Variants in SNTG1 observed in about 807,000 individuals in gnomAD.
The protein encoded by SNTG1 is gamma-1-syntrophin.
Under a neutral mutation model 74.7 loss-of-function variants are expected in SNTG1, and 39 were observed. The ratio of observed to expected loss-of-function variants is 0.52; its 90% confidence interval spans 0.40 to 0.68. The LOEUF (loss-of-function observed/expected upper bound fraction) is 0.68, where lower values mean the gene tolerates loss of function less well. Among genes scored for constraint, SNTG1 ranks in the 30% least tolerant of loss-of-function variants. SNTG1 has a pLI of 0.00. For synonymous variants in SNTG1, 254 were observed against 217.1 expected (o/e 1.17, Z -1.49); for missense variants, 685 against 609.5 (o/e 1.12, Z -1.30).
At chr8:50,146,743 T>C (rs539335208) in intron 1 of SNTG1, among the ~76,000 whole-genome samples, 1 of 152,332 alleles carries the variant, frequency 6.6e-6, no homozygotes, top group East Asian at 1.9e-4. Context: ...TTAGATATTC[T>C]AAAAATTATG....
intron 1 of SNTG1, among the ~76,000 whole-genome samples, chr8:49,923,746 C>A (rs895243775): frequency 6.6e-6 from 1 of 151,958 alleles, no homozygotes; most frequent in African/African-American, 2.4e-5. Flanking sequence ...CTTAGCATAT[C>A]TTTTTGTAAA....
At chr8:50,722,184 A>G (rs1221131408) in intron 17 of SNTG1, among the ~76,000 whole-genome samples, 1 of 151,760 alleles carries the variant, frequency 6.6e-6, no homozygotes, top group Non-Finnish European at 1.5e-5. Flanking sequence ...GTGTGTACAT[A>G]TATATATTGA....
chr8:50,421,872 T>G (rs1055308243), intron 4 of SNTG1, among the ~76,000 whole-genome samples: 1 of 152,162 alleles, frequency 6.6e-6, no homozygotes, highest in Non-Finnish European at 1.5e-5. Flanking sequence ...TACACCATCT[T>G]GAAATTACAG....
chr8:50,021,618 T>A (rs1216225471), intron 1 of SNTG1, among the ~76,000 whole-genome samples: 1 of 152,078 alleles, frequency 6.6e-6, no homozygotes, highest in Non-Finnish European at 1.5e-5. Flanking sequence ...TGATCACAAA[T>A]AACCCTTATC....
intron 2 of SNTG1, among the ~76,000 whole-genome samples, chr8:50,251,519 A>C (rs573821616): frequency 9.6e-4 from 146 of 151,890 alleles, no homozygotes; most frequent in Non-Finnish European, 1.8e-3. Context: ...ACTGAAAGTA[A>C]AAGGATGGAA....
chr8:49,946,372 A>G lies in SNTG1; in HGVS notation c.-103+34141A>G, dbSNP rs556723676. The stretch of plus-strand genomic sequence containing the variant: ...TACATTCTCTCTAATTTAGGCTACA[A>G]TGAGACCGTGAATAAAATCTTGAAA... On this transcript the variant is annotated intron_variant, in intron 1 of 18. Coordinates refer to ENST00000642720, the MANE Select transcript of SNTG1 (RefSeq NM_018967.5). Among the ~76,000 whole-genome samples, 221 of 152,320 alleles carry G rather than the reference A, an allele frequency of 1.5e-3. 3 individuals are homozygous for G. The highest frequency in any genetic ancestry group is 5.1e-3 in the African/African-American group (213 of 41,578).
chr8:50,351,175 T>C (rs954102354), intron 2 of SNTG1, among the ~76,000 whole-genome samples: 1 of 152,194 alleles, frequency 6.6e-6, no homozygotes, highest in Non-Finnish European at 1.5e-5. Context: ...CCTGTGTTGC[T>C]CTTCTGATTT....
At chr8:50,684,328 CTT>C (rs2095343058) in intron 15 of SNTG1, among the ~76,000 whole-genome samples, 1 of 152,152 alleles carries the variant, frequency 6.6e-6, no homozygotes, top group Non-Finnish European at 1.5e-5. Flanking sequence ...GAAGATGAAT[CTT>C]AGAACTATTA....
chr8:49,967,562 T>G (rs1811259221), intron 1 of SNTG1, among the ~76,000 whole-genome samples: 1 of 145,620 alleles, frequency 6.9e-6, no homozygotes, highest in Non-Finnish European at 1.5e-5. Context: ...ATATATAAAC[T>G]TTGTTTTAAT....
At chr8:50,142,897 C>A (rs1461443179) in intron 1 of SNTG1, among the ~76,000 whole-genome samples, 9 of 151,952 alleles carry the variant, frequency 5.9e-5, no homozygotes, top group East Asian at 1.9e-4. Context: ...CATAGTGAAA[C>A]CCCATCTTTA....
At chr8:50,219,143 A>G (rs1430021147) in intron 2 of SNTG1, among the ~76,000 whole-genome samples, 1 of 152,232 alleles carries the variant, frequency 6.6e-6, no homozygotes, top group Admixed American at 6.5e-5. Context: ...GGAGGAAAAC[A>G]GCTTTAATAA....
chr8:50,441,411 C>T (rs770905710), intron 5 of SNTG1, among the ~76,000 whole-genome samples: 1 of 152,082 alleles, frequency 6.6e-6, no homozygotes, highest in Non-Finnish European at 1.5e-5. Context: ...GAGGTTGAGG[C>T]AGTTCAGTGT....
chr8:50,294,751 G>A (rs2089284434), intron 2 of SNTG1, among the ~76,000 whole-genome samples: 1 of 152,082 alleles, frequency 6.6e-6, no homozygotes, highest in Admixed American at 6.6e-5. Context: ...CCAAGTATCT[G>A]AGAGCCATGG....
chr8:50,423,654 G>T (rs950860997), intron 4 of SNTG1, among the ~76,000 whole-genome samples: 14 of 152,188 alleles, frequency 9.2e-5, no homozygotes, highest in African/African-American at 3.4e-4. Context: ...CAACTATGAA[G>T]AAGGGTAGCT....
At chr8:50,476,064 C>A (rs1414464491) in intron 8 of SNTG1, among the ~76,000 whole-genome samples, 4 of 130,306 alleles carry the variant, frequency 3.1e-5, no homozygotes. Context: ...TATACACTAC[C>A]CACCCGTTAG....
intron 1 of SNTG1, among the ~76,000 whole-genome samples, chr8:50,043,667 A>G (rs1818832692): frequency 6.6e-6 from 1 of 152,218 alleles, no homozygotes; most frequent in Non-Finnish European, 1.5e-5. Context: ...AGAAGTTGAG[A>G]GAGTGGGTGG....
intron 2 of SNTG1, among the ~76,000 whole-genome samples, chr8:50,267,510 TA>T (rs1490814431): frequency 6.6e-6 from 1 of 152,170 alleles, no homozygotes; most frequent in African/African-American, 2.4e-5. Flanking sequence ...AGGCAATACC[TA>T]CAGTTGGTGA....
At chr8:50,441,412 A>C (rs1587641304) in intron 5 of SNTG1, among the ~76,000 whole-genome samples, 1 of 152,290 alleles carries the variant, frequency 6.6e-6, no homozygotes, top group Middle Eastern at 3.4e-3. Context: ...AGGTTGAGGC[A>C]GTTCAGTGTC....
At chr8:50,029,482 C>A (rs867026299) in intron 1 of SNTG1, among the ~76,000 whole-genome samples, 4 of 152,074 alleles carry the variant, frequency 2.6e-5, no homozygotes, top group South Asian at 4.1e-4. Flanking sequence ...TAACCATCCC[C>A]ACATTATCCT....
Sources: allele counts gnomAD v4.1 joint callset (sites outside exome capture counted in the v4.1 genomes callset), GRCh38; gene constraint gnomAD v4.1.1; transcripts MANE v1.5; gene names NCBI Gene and HGNC (gene_info 2026-07-23, HGNC 2026-07-21).